Variants in AOPEP observed in about 807,000 individuals in gnomAD.
AOPEP encodes aminopeptidase O (putative), also known as aminopeptidase O.
A neutral mutation model predicts 98.1 loss-of-function variants in AOPEP; 77 were observed. That is an observed-to-expected ratio of 0.78 (90% CI 0.65 to 0.95). The LOEUF (loss-of-function observed/expected upper bound fraction) is 0.95. Ranked by LOEUF, AOPEP falls within the 40% of genes least tolerant of loss-of-function variation. The pLI, the probability that AOPEP is intolerant of heterozygous loss-of-function variation, is 0.00. For synonymous variants in AOPEP, 346 were observed against 365.3 expected (o/e 0.95, Z 0.60); for missense variants, 1,024 against 1,024.7 (o/e 1.00, Z 0.01).
intron 1 of AOPEP, among the ~76,000 whole-genome samples, chr9:94,754,318 A>G (rs1158548265): frequency 2.0e-5 from 3 of 152,226 alleles, no homozygotes; most frequent in Non-Finnish European, 2.9e-5. Flanking sequence ...TATCCTAAAT[A>G]ATGGACACAC....
Position 94,869,663 on chromosome 9 carries a change from A to C in AOPEP, c.1365-54323A>C, listed in dbSNP as rs563874826. The stretch of plus-strand genomic sequence containing the variant: ...AATGAAATTGAATTAGTGTAAAAGG[A>C]AGCCTGTAGAAATATAGAATCAAAG... On this transcript the variant is annotated intron_variant, in intron 5 of 16. Transcript: ENST00000375315. Among the ~76,000 whole-genome samples, 457 of 152,332 alleles carry C rather than the reference A, an allele frequency of 3.0e-3. 1 individual carries two copies. The highest frequency in any genetic ancestry group is 5.3e-3 in the Non-Finnish European group (360 of 68,030).
At chr9:94,740,347 A>G (rs543864975) in intron 1 of AOPEP, among the ~76,000 whole-genome samples, 16 of 152,308 alleles carry the variant, frequency 1.1e-4, no homozygotes, top group South Asian at 6.2e-4. Flanking sequence ...TGGTTTGCCT[A>G]TGAAAGGCAT....
the AOPEP span, among the ~76,000 whole-genome samples, chr9:95,149,594 T>G: frequency 6.6e-6 from 1 of 151,908 alleles, no homozygotes; most frequent in Non-Finnish European, 1.5e-5. Flanking sequence ...TCCTCCTGAC[T>G]CAGCCCCCCT....
chr9:94,871,728 TG>T (rs1400437542), intron 5 of AOPEP, among the ~76,000 whole-genome samples: 17 of 152,204 alleles, frequency 1.1e-4, no homozygotes, highest in Non-Finnish European at 2.2e-4. Flanking sequence ...AAATATGGGC[TG>T]GGCATGGTGG....
intron 5 of AOPEP, among the ~76,000 whole-genome samples, chr9:94,828,551 C>T (rs981998250): frequency 6.6e-6 from 1 of 152,128 alleles, no homozygotes; most frequent in South Asian, 2.1e-4. Flanking sequence ...TCATCAGTGT[C>T]ATAGTGTCTC....
intron 5 of AOPEP, among the ~76,000 whole-genome samples, chr9:94,892,106 T>C (rs1228514818): frequency 1.3e-5 from 2 of 152,148 alleles, no homozygotes; most frequent in African/African-American, 4.8e-5. Flanking sequence ...GTTTTCAAGA[T>C]TTTTTTTCTT....
intron 7 of AOPEP, among the ~76,000 whole-genome samples, chr9:94,934,289 G>A (rs942851610): frequency 4.8e-5 from 7 of 144,560 alleles, no homozygotes; most frequent in African/African-American, 1.9e-4. Context: ...CCCTCTAACT[G>A]CTGACTATGC....
At chr9:94,898,949 A>T (rs1476717666) in intron 5 of AOPEP, among the ~76,000 whole-genome samples, 1 of 151,302 alleles carries the variant, frequency 6.6e-6, no homozygotes, top group Non-Finnish European at 1.5e-5. Context: ...CACTGTCTCA[A>T]ATAAATAAAT....
intron 5 of AOPEP, among the ~76,000 whole-genome samples, chr9:94,858,777 G>A (rs1444659481): frequency 2.0e-5 from 3 of 152,062 alleles, no homozygotes; most frequent in Admixed American, 2.0e-4. Context: ...GGCTGGGCTC[G>A]GTGGCTTACA....
chr9:95,013,852 C>T (rs895841180), intron 13 of AOPEP, among the ~76,000 whole-genome samples: 8 of 152,188 alleles, frequency 5.3e-5, no homozygotes, highest in African/African-American at 1.9e-4. Context: ...CATTTCTTTC[C>T]CTTGGGGAGT....
At chr9:94,746,820 T>C (rs1257456510) in intron 1 of AOPEP, among the ~76,000 whole-genome samples, 1 of 152,204 alleles carries the variant, frequency 6.6e-6, no homozygotes, top group Non-Finnish European at 1.5e-5. Context: ...AGGGTAGACA[T>C]ATACTGATGG....
At chr9:95,062,777 G>T (rs374215857) in intron 14 of AOPEP, among the ~76,000 whole-genome samples, 27 of 152,280 alleles carry the variant, frequency 1.8e-4, no homozygotes, top group Admixed American at 3.9e-4. Context: ...GTGGGGCCAG[G>T]GTTCTGAATA....
At chr9:95,098,499 G>A in the AOPEP span, among the ~76,000 whole-genome samples, 15 of 152,154 alleles carry the variant, frequency 9.9e-5, no homozygotes, top group East Asian at 3.9e-4. Flanking sequence ...TCCCTCAGGC[G>A]CCCTCCTGAC....
At chr9:95,077,072 A>G (rs2069151464) in intron 14 of AOPEP, among the ~76,000 whole-genome samples, 1 of 152,110 alleles carries the variant, frequency 6.6e-6, no homozygotes, top group African/African-American at 2.4e-5. Context: ...GGGAGGGGAC[A>G]CTATCTCTTG....
At chr9:94,944,663 C>G (rs2057418560) in intron 7 of AOPEP, among the ~76,000 whole-genome samples, 1 of 152,170 alleles carries the variant, frequency 6.6e-6, no homozygotes, top group Non-Finnish European at 1.5e-5. Context: ...CTACCAGGCT[C>G]AAACAATCCT....
At chr9:94,766,182 T>A (rs1352372069) in intron 2 of AOPEP, among the ~76,000 whole-genome samples, 1 of 152,230 alleles carries the variant, frequency 6.6e-6, no homozygotes, top group African/African-American at 2.4e-5. Flanking sequence ...AGTTGATGTG[T>A]TTTCTTCATT....
the AOPEP span, among the ~76,000 whole-genome samples, chr9:95,131,058 C>A: frequency 3.3e-5 from 5 of 152,122 alleles, no homozygotes; most frequent in Admixed American, 3.3e-4. Context: ...AAAAATTATT[C>A]TTTCTTTTTA....
intron 5 of AOPEP, among the ~76,000 whole-genome samples, chr9:94,850,296 A>G (rs2043392280): frequency 6.6e-6 from 1 of 152,216 alleles, no homozygotes; most frequent in South Asian, 2.1e-4. Context: ...AACTTATTGA[A>G]TGTCTAATTG....
chr9:94,920,773 A>G (rs1322162464), intron 5 of AOPEP, among the ~76,000 whole-genome samples: 1 of 152,174 alleles, frequency 6.6e-6, no homozygotes, highest in African/African-American at 2.4e-5. Context: ...CAGCCTTGAG[A>G]AAGTGTTTTC....
Sources: gnomAD v4.1 joint callset for allele counts (sites outside exome capture counted in the v4.1 genomes callset) on GRCh38, gnomAD v4.1.1 for gene constraint, MANE v1.5 for transcripts, NCBI Gene and HGNC (gene_info 2026-07-23, HGNC 2026-07-21) for gene names.